The following FAM222A variants were observed in gnomAD, a reference collection of about 807,000 sequenced individuals.
FAM222A encodes family with sequence similarity 222 member A.
In FAM222A, 7 loss-of-function variants were observed where a neutral mutation model predicts 25.8. The observed-to-expected ratio is 0.27, with a 90% CI of 0.15 to 0.51. The LOEUF (loss-of-function observed/expected upper bound fraction) is 0.51, where lower values mean the gene tolerates loss of function less well. Ranked by LOEUF, FAM222A falls within the 20% of genes least tolerant of loss-of-function variation. The probability of loss-of-function intolerance (pLI) is 0.97; values close to 1 mark genes in which losing one functional copy is unlikely to be tolerated. For synonymous variants in FAM222A, 294 were observed against 298.8 expected, an observed-to-expected ratio of 0.98 and a Z score of 0.17; for missense variants, 573 against 640.5, an observed-to-expected ratio of 0.89 and a Z score of 1.14.
chr12:109,740,027 C>T (rs926248387), intron 1 of FAM222A, among the ~76,000 whole-genome samples: 2 of 152,190 alleles, frequency 1.3e-5, no homozygotes, highest in African/African-American at 2.4e-5. Context: ...GCCAGACAGG[C>T]GAGGGCGAGA....
intron 1 of FAM222A, among the ~76,000 whole-genome samples, chr12:109,720,576 G>A (rs1240032769): frequency 5.9e-5 from 9 of 152,348 alleles, no homozygotes; most frequent in Admixed American, 5.2e-4. Flanking sequence ...CACCTTAGAG[G>A]GCAGCTGTGA....
intron 1 of FAM222A, among the ~76,000 whole-genome samples, chr12:109,740,146 A>T (rs999644025): frequency 6.6e-6 from 1 of 152,164 alleles, no homozygotes; most frequent in African/African-American, 2.4e-5. Flanking sequence ...CACAGACTCA[A>T]TTCCTCCTCG....
chr12:109,768,444 T>G lies in FAM222A; in HGVS notation c.515T>G (p.Leu172Arg). 1.3e-6 allele frequency: 2 copies of G among 1,599,748 alleles called. No individual in the cohort carries two copies. The highest frequency in any genetic ancestry group is 2.2e-5 in the South Asian group (2 of 90,916). ...GAGGCGCCTGCTCCACCACCCGGCC[T>G]GCCCGCAGCCGCCACTGCCGCCTCC... The part of the protein sequence containing the change: ...PPEAPAPPPG[L>R]PAAATAASVI... Residue 172 changes from leucine to arginine, a missense_variant, in exon 3 of 3, where the codon CTG (leucine) becomes CGG (arginine). Leu to Arg is a moderately radical substitution (Grantham distance 102, BLOSUM62 -2). Transcript: ENST00000538780.
intron 2 of FAM222A, among the ~76,000 whole-genome samples, chr12:109,757,067 G>T (rs1235521792): frequency 6.6e-6 from 1 of 152,176 alleles, no homozygotes; most frequent in Admixed American, 6.5e-5. Context: ...CTTGGTAGTT[G>T]ATGTCTTTCT....
chr12:109,761,119 G>C (rs1888879258), intron 2 of FAM222A, among the ~76,000 whole-genome samples: 1 of 152,152 alleles, frequency 6.6e-6, no homozygotes, highest in Non-Finnish European at 1.5e-5. Context: ...GCTCAGAGAG[G>C]GACAGTGGTG....
At chr12:109,725,625 C>A (rs1434555233) in intron 1 of FAM222A, among the ~76,000 whole-genome samples, 1 of 151,952 alleles carries the variant, frequency 6.6e-6, no homozygotes, top group Admixed American at 6.6e-5. Flanking sequence ...CAGGTGAGAC[C>A]AGGCCAGGCA....
At chr12:109,728,578 C>G (rs1887883855) in intron 1 of FAM222A, among the ~76,000 whole-genome samples, 1 of 152,202 alleles carries the variant, frequency 6.6e-6, no homozygotes, top group African/African-American at 2.4e-5. Flanking sequence ...GTACCTTCCT[C>G]TGTGCCTTTG....
At chr12:109,759,835 C>T (rs1211576305) in intron 2 of FAM222A, among the ~76,000 whole-genome samples, 1 of 152,232 alleles carries the variant, frequency 6.6e-6, no homozygotes, top group African/African-American at 2.4e-5. Flanking sequence ...GGACGCTTTC[C>T]AAGCACCTTC....
chr12:109,747,465 C>T (rs918298050), intron 2 of FAM222A, among the ~76,000 whole-genome samples: 2 of 152,134 alleles, frequency 1.3e-5, no homozygotes, highest in Non-Finnish European at 2.9e-5. Flanking sequence ...ATTTCCTTGG[C>T]TCTTTTATTA....
chr12:109,742,604 T>G (rs1357946434), intron 1 of FAM222A, among the ~76,000 whole-genome samples: 1 of 119,124 alleles, frequency 8.4e-6, no homozygotes, highest in Admixed American at 1.0e-4. Context: ...TCTCTCTCTC[T>G]CTCGCTCTTT....
chr12:109,766,750 G>A (rs116521755), intron 2 of FAM222A, among the ~76,000 whole-genome samples: 1,605 of 152,256 alleles, frequency 0.011, 26 homozygotes, highest in Middle Eastern at 0.034. Flanking sequence ...GGGTGGGAGT[G>A]TAGCCTGGCA....
At chr12:109,742,428 C>T (rs1039411275) in intron 1 of FAM222A, among the ~76,000 whole-genome samples, 1 of 152,254 alleles carries the variant, frequency 6.6e-6, no homozygotes, top group Non-Finnish European at 1.5e-5. Context: ...CACTTCATTC[C>T]CTTTTTAAAC....
chr12:109,760,024 C>G (rs781669989), intron 2 of FAM222A, among the ~76,000 whole-genome samples: 12 of 152,130 alleles, frequency 7.9e-5, no homozygotes, highest in Non-Finnish European at 1.5e-4. Context: ...ACCTGAGGGT[C>G]AGGAGAGCCA....
At chr12:109,726,117 G>T (rs1887839090) in intron 1 of FAM222A, among the ~76,000 whole-genome samples, 3 of 50,126 alleles carry the variant, frequency 6.0e-5, no homozygotes, top group Non-Finnish European at 7.8e-5. Flanking sequence ...AGAAAAAATT[G>T]CTAAAAAAAA....
chr12:109,741,845 C>T (rs1888248438), intron 1 of FAM222A, among the ~76,000 whole-genome samples: 1 of 152,210 alleles, frequency 6.6e-6, no homozygotes. Flanking sequence ...CTCTGACCTC[C>T]CTCCTTACTG....
intron 2 of FAM222A, among the ~76,000 whole-genome samples, chr12:109,754,679 T>C (rs947489143): frequency 1.3e-5 from 2 of 152,092 alleles, no homozygotes; most frequent in African/African-American, 4.8e-5. Context: ...TTTTTTTTTT[T>C]TTCTTTGAAA....
At chr12:109,767,743 GGGGCCC>G (rs998883332) in intron 2 of FAM222A, among the ~76,000 whole-genome samples, 6 of 152,326 alleles carry the variant, frequency 3.9e-5, no homozygotes, top group Non-Finnish European at 1.5e-5. Flanking sequence ...GAGACTGGGA[GGGGCCC>G]AGGGACCCTA....
At position 109,768,869 on chromosome 12, in the gene FAM222A, G is replaced by C. The variant is rs1370912092; in HGVS notation, c.940G>C (p.Glu314Gln). 4 of 1,583,772 alleles carry C rather than the reference G, an allele frequency of 2.5e-6. No individual in the cohort carries two copies. The highest frequency in any genetic ancestry group is 3.4e-6 in the Non-Finnish European group (4 of 1,172,008). The change falls in exon 3 of 3, where the codon GAG becomes CAG. Residue 314 changes from glutamate (E) to glutamine (Q), a missense_variant. Transcript: ENST00000538780. ...GAGCACGGTGGCCAGCAAGTCCCCTGAGGCTTGCGGGGGCCGGGCATACGA... is the reference window on the plus strand; with the variant it reads ...GAGCACGGTGGCCAGCAAGTCCCCTCAGGCTTGCGGGGGCCGGGCATACGA... Reference protein sequence around the residue: ...SGSTVASKSPEACGGRAYERA... With the variant: ...SGSTVASKSPQACGGRAYERA...
At chr12:109,729,280 G>A (rs1457906460) in intron 1 of FAM222A, among the ~76,000 whole-genome samples, 3 of 152,172 alleles carry the variant, frequency 2.0e-5, no homozygotes, top group African/African-American at 4.8e-5. Flanking sequence ...TTTAAATGCA[G>A]CAAACAGGGC....
Sources: gnomAD v4.1 joint callset for allele counts (sites outside exome capture counted in the v4.1 genomes callset) on GRCh38, gnomAD v4.1.1 for gene constraint, MANE v1.5 for transcripts, NCBI Gene and HGNC (gene_info 2026-07-23, HGNC 2026-07-21) for gene names.